Variants in TSPAN1 observed in about 807,000 individuals in gnomAD.
The protein encoded by TSPAN1 is tetraspanin 1.
A neutral mutation model predicts 26.9 loss-of-function variants in TSPAN1; 23 were observed. The observed-to-expected ratio is 0.85, with a 90% CI of 0.62 to 1.21. The LOEUF is 1.21. Ranked by LOEUF, TSPAN1 falls within the 50% of genes most tolerant of loss-of-function variation. The pLI, the probability that TSPAN1 is intolerant of heterozygous loss-of-function variation, is 0.00. For synonymous variants in TSPAN1, 115 were observed against 114.8 expected (o/e 1.00, Z -0.01); for missense variants, 283 against 298.4 (o/e 0.95, Z 0.38).
chr1:46,176,219 CT>C (rs1233988946), intron 1 of TSPAN1: 2 of 1,534,926 alleles, frequency 1.3e-6, no homozygotes, highest in Non-Finnish European at 1.7e-6. Context: ...CACAGGCCCC[CT>C]GGCTAACCTT....
the TSPAN1 span, chr1:46,192,268 G>A: frequency 3.7e-6 from 6 of 1,614,168 alleles, no homozygotes; most frequent in Non-Finnish European, 5.1e-6. Flanking sequence ...TTTCGAGTTG[G>A]TAGGGGACTC....
chr1:46,194,660 A>T, the TSPAN1 span: 3 of 1,613,972 alleles, frequency 1.9e-6, no homozygotes, highest in South Asian at 3.3e-5. Context: ...ACCTGGCAGG[A>T]GGCAGGAATG....
intron 1 of TSPAN1, chr1:46,175,665 G>T: frequency 5.0e-6 from 2 of 399,774 alleles, no homozygotes; most frequent in Non-Finnish European, 8.8e-6. Flanking sequence ...GTTTGAGGAA[G>T]GAAGCAGTTC....
intron 3 of TSPAN1, among the ~76,000 whole-genome samples, chr1:46,182,689 G>A (rs535128447): frequency 4.6e-5 from 7 of 152,280 alleles, no homozygotes; most frequent in African/African-American, 1.4e-4. Flanking sequence ...CAGCCTGGGC[G>A]ACAGAGTTTA....
chr1:46,184,523 G>GC, intron 4 of TSPAN1, 71 bp from the exon 5 acceptor site: 2 of 1,604,706 alleles, frequency 1.2e-6, no homozygotes. Flanking sequence ...CTTTTCCGGG[G>GC]GGGGGATTAG....
At chr1:46,184,430 C>A (rs750405929) in intron 4 of TSPAN1, 33 bp downstream of exon 4, 2 of 1,613,314 alleles carry the variant, frequency 1.2e-6, no homozygotes, top group South Asian at 2.2e-5. Flanking sequence ...GGCTGATGAC[C>A]AAGAGTCCCC....
downstream of TSPAN1, among the ~76,000 whole-genome samples, chr1:46,188,201 G>C (rs1044305474): frequency 6.6e-6 from 1 of 152,118 alleles, no homozygotes; most frequent in Non-Finnish European, 1.5e-5. Context: ...AGTGCTCTAA[G>C]GGCCATAGAC....
intron 8 of TSPAN1, 88 bp downstream of exon 8, chr1:46,185,396 T>A: frequency 6.2e-7 from 1 of 1,606,320 alleles, no homozygotes; most frequent in Non-Finnish European, 8.5e-7. Context: ...GGAAACAGAC[T>A]TCTAACTGGG....
chr1:46,195,830 A>G, the TSPAN1 span: 2 of 1,600,096 alleles, frequency 1.2e-6, no homozygotes, highest in Non-Finnish European at 1.7e-6. Context: ...GCAGATGAGC[A>G]CTCGGCCGGG....
At chr1:46,190,873 A>T, downstream of TSPAN1, 1 of 1,251,882 alleles carries the variant, frequency 8.0e-7, no homozygotes, top group Non-Finnish European at 1.2e-6. Flanking sequence ...TAAGACACAC[A>T]AATGAAGTCC....
At chr1:46,192,356 C>T in the TSPAN1 span, 12 of 1,614,080 alleles carry the variant, frequency 7.4e-6, no homozygotes, top group Admixed American at 1.7e-4. Context: ...TGTACAAGGA[C>T]CTCCTGAGCA....
rs1357363620 is a variant in TSPAN1 at position 46,177,353 on chromosome 1, ATCTATC to A, written c.-142+1946_-142+1951del. ...TCTGTCTCAAAAAAAAAAAAAATAT[ATCTATC>A]TATCTATCTATCTATCTATCTAACT... On this transcript the variant is annotated intron_variant, in intron 1 of 8. Transcript: ENST00000372003. 2.4e-3 allele frequency among the ~76,000 whole-genome samples: 223 copies of A among 92,120 alleles called. 2 individuals are homozygous for A. Among genetic ancestry groups the A allele is most frequent in the South Asian group, 9.6e-3 (16 of 1,660 alleles). 60.4% of individuals were successfully genotyped at this position (92,120 alleles called of 152,430 possible).
intron 1 of TSPAN1, among the ~76,000 whole-genome samples, chr1:46,178,218 G>A (rs1277364685): frequency 7.9e-5 from 12 of 152,068 alleles, no homozygotes; most frequent in Non-Finnish European, 1.8e-4. Context: ...TTAGCTGGGT[G>A]TGGTGGTGTG....
At chr1:46,192,054 G>A in the TSPAN1 span, 3 of 1,586,766 alleles carry the variant, frequency 1.9e-6, no homozygotes, top group Non-Finnish European at 2.6e-6. Context: ...TCTTGTTCTT[G>A]ACTGTCATGC....
Position 46,184,626 on chromosome 1 carries a change from T to C in TSPAN1, c.297T>C (p.Ala99=). The C allele has an allele frequency of 1.9e-6, 3 of 1,614,206 alleles. No homozygotes were observed. Among genetic ancestry groups the C allele is most frequent in the Non-Finnish European group, 2.5e-6 (3 of 1,180,038 alleles). ...FFFILLLIFI[A]EVAAAVVALV... is the part of the protein sequence containing the mutation. ...TCATCCTCCTCCTCATCTTCATTGC[T>C]GAGGTTGCAGCTGCTGTGGTCGCCT... The change falls in exon 5 of 9, where the codon GCT becomes GCC. Residue 99 remains alanine, a synonymous_variant. Transcript: ENST00000372003.
chr1:46,185,031 TC>T lies in TSPAN1; in HGVS notation c.515del (p.Pro172HisfsTer26), dbSNP rs764674587. The T allele has an allele frequency of 9.3e-6, 15 of 1,613,910 alleles. No homozygotes were observed. Among genetic ancestry groups the T allele is most frequent in the Non-Finnish European group, 1.3e-5 (15 of 1,180,000 alleles). ...CCTACTTCAAAGAGAACAGTGCCTT[TC>T]CCCCATTCTGTTGCAATGACAACGT... ...SPYFKENSAF[P>X]PFCCNDNVTN... On this transcript the variant is annotated frameshift_variant, in exon 7 of 9. Transcript: ENST00000372003. LOFTEE classifies it high-confidence loss of function.
chr1:46,192,534 G>A, the TSPAN1 span: 1 of 1,614,208 alleles, frequency 6.2e-7, no homozygotes, highest in Non-Finnish European at 8.5e-7. Context: ...ATTCCAGGCA[G>A]AGATGCAGTA....
rs1352963634 is a variant in TSPAN1 at position 46,184,778 on chromosome 1, C to T, written c.340-7C>T. 6.2e-7 allele frequency: 1 copy of T among 1,614,206 alleles called. No homozygotes were observed. The highest frequency in any genetic ancestry group is 1.6e-4 in the Middle Eastern group (1 of 6,062). On this transcript the variant is annotated splice_polypyrimidine_tract_variant and splice_region_variant and intron_variant, in intron 5 of 8. Transcript: ENST00000372003. Reference sequence around the variant, plus strand: ...CCAGCCCCTAAACACTGGCCTGCCTCACCCAGGCTGAGCACTTCCTGACGT... The same window carrying T: ...CCAGCCCCTAAACACTGGCCTGCCTTACCCAGGCTGAGCACTTCCTGACGT...
chr1:46,187,680 C>T (rs1657465192), downstream of TSPAN1, among the ~76,000 whole-genome samples: 2 of 152,344 alleles, frequency 1.3e-5, no homozygotes, highest in African/African-American at 4.8e-5. Flanking sequence ...GTGGAGGCTG[C>T]ATGGGATTTG....
Sources: allele counts gnomAD v4.1 joint callset (sites outside exome capture counted in the v4.1 genomes callset), GRCh38; gene constraint gnomAD v4.1.1; transcripts MANE v1.5; gene names NCBI Gene and HGNC (gene_info 2026-07-23, HGNC 2026-07-21).